ARHGEF33: variants seen among roughly 807,000 people sequenced by gnomAD.
The protein encoded by ARHGEF33 is DH and coiled-coil domain-containing protein ENSP00000381780.
ARHGEF33 carries 72 observed loss-of-function variants against 101.9 expected under a neutral mutation model. The observed-to-expected ratio is 0.71, with a 90% CI of 0.58 to 0.86. ARHGEF33 has a LOEUF of 0.86. ARHGEF33 is among the 40% of genes least tolerant of loss of function. The probability of loss-of-function intolerance (pLI) is 0.00; values close to 1 mark genes in which losing one functional copy is unlikely to be tolerated. For synonymous variants in ARHGEF33, 499 were observed against 442.5 expected (o/e 1.13, Z -1.60); for missense variants, 1,169 against 1,111.3 (o/e 1.05, Z -0.74).
At chr2:38,933,181 T>A (rs1240925112) in intron 7 of ARHGEF33, among the ~76,000 whole-genome samples, 1 of 152,164 alleles carries the variant, frequency 6.6e-6, no homozygotes, top group Non-Finnish European at 1.5e-5. Flanking sequence ...ATCAAGGTGC[T>A]GGCCATGGCT....
At chr2:38,958,279 A>G in intron 15 of ARHGEF33, 81 bp downstream of exon 15, 1 of 1,490,346 alleles carries the variant, frequency 6.7e-7, no homozygotes, top group Middle Eastern at 2.4e-4. Flanking sequence ...AGGGCAGCCT[A>G]GATTCCTCCA....
rs570380591 is a variant in ARHGEF33 at position 38,952,750 on chromosome 2, G to A, written c.1054-412G>A. Among the ~76,000 whole-genome samples, 8 of 151,622 alleles carry A rather than the reference G, an allele frequency of 5.3e-5. No homozygotes were observed. The South Asian group carries it at 1.7e-3, about 32-fold the overall frequency. ...GTCTCACTCTGTCCCCTAGGCTGGA[G>A]TGCAGTGGTGCAATCTCGGCTCACT... On this transcript the variant is annotated intron_variant, in intron 11 of 17. Transcript: ENST00000409978.
chr2:38,927,755 G>T (rs1316865869), intron 4 of ARHGEF33, among the ~76,000 whole-genome samples: 1 of 152,110 alleles, frequency 6.6e-6, no homozygotes, highest in Non-Finnish European at 1.5e-5. Context: ...TCTTCTAAAT[G>T]GTTCTGTTTT....
intron 2 of ARHGEF33, among the ~76,000 whole-genome samples, chr2:38,916,834 C>T (rs995823268): frequency 1.2e-4 from 16 of 136,886 alleles, no homozygotes; most frequent in African/African-American, 4.5e-4. Flanking sequence ...GAGTTTCATT[C>T]TTGTTGCCCA....
intron 7 of ARHGEF33, among the ~76,000 whole-genome samples, chr2:38,931,793 A>G (rs1044503260): frequency 6.6e-6 from 1 of 152,240 alleles, no homozygotes; most frequent in Non-Finnish European, 1.5e-5. Context: ...GTAAAAACAA[A>G]AAAAATTTGC....
At position 38,975,210 on chromosome 2, in the gene ARHGEF33, C is replaced by T. The variant is rs1176292658; in HGVS notation, c.*1367C>T. 3 of 152,226 alleles carry T rather than the reference C, an allele frequency of 2.0e-5. No individual in the cohort carries two copies. The highest frequency in any genetic ancestry group is 4.4e-5 in the Non-Finnish European group (3 of 68,042). The allele number at this position is 152,226 out of a possible 1,614,324, so 9.4% of individuals were successfully genotyped here. On this transcript the variant is annotated 3_prime_UTR_variant, in exon 18 of 18. Transcript: ENST00000409978. ...TGATGACAAATTAGGAACTCACCTA[C>T]TGCGTTTTGAATAGTAGTTGTCTGG...
At chr2:38,937,633 G>C in intron 9 of ARHGEF33, 74 bp downstream of exon 9, 1 of 909,884 alleles carries the variant, frequency 1.1e-6, no homozygotes, top group East Asian at 2.6e-5. Context: ...TCAAAGGCGA[G>C]AATCCTTGCC....
At chr2:38,939,296 A>AT (rs1417167711) in intron 9 of ARHGEF33, among the ~76,000 whole-genome samples, 2 of 151,482 alleles carry the variant, frequency 1.3e-5, no homozygotes, top group Non-Finnish European at 3.0e-5. Context: ...TCTTGTACAA[A>AT]TTTTTTTTTA....
rs767035944 is a variant in ARHGEF33 at position 38,931,105 on chromosome 2, C to G, written c.363-4C>G. ...ATAGCCTTGTCTTTGTTTCTCTTTC[C>G]TAGGAAAACTCAAAAAGAAGAGCAC... On this transcript the variant is annotated splice_region_variant and splice_polypyrimidine_tract_variant and intron_variant, in intron 6 of 17. Coordinates refer to ENST00000409978, the MANE Select transcript of ARHGEF33 (RefSeq NM_001145451.5). The G allele has an allele frequency of 1.3e-6, 2 of 1,540,778 alleles. No individual in the cohort carries two copies. The highest frequency in any genetic ancestry group is 2.4e-5 in the South Asian group (2 of 81,816).
chr2:38,954,997 T>C (rs1159210956), intron 13 of ARHGEF33, among the ~76,000 whole-genome samples: 1 of 152,174 alleles, frequency 6.6e-6, no homozygotes, highest in Non-Finnish European at 1.5e-5. Flanking sequence ...TATCTTTACT[T>C]ACCAGCAACT....
At chr2:38,905,544 T>C (rs1198065638) in intron 2 of ARHGEF33, among the ~76,000 whole-genome samples, 2 of 152,230 alleles carry the variant, frequency 1.3e-5, no homozygotes, top group Non-Finnish European at 2.9e-5. Flanking sequence ...AGTGCCTGGC[T>C]TTCCTAAGGC....
intron 10 of ARHGEF33, among the ~76,000 whole-genome samples, chr2:38,946,341 T>C (rs1486335224): frequency 6.6e-6 from 1 of 152,226 alleles, no homozygotes; most frequent in Admixed American, 6.5e-5. Flanking sequence ...AAATTAAAGC[T>C]ATCATACAAT....
intron 2 of ARHGEF33, among the ~76,000 whole-genome samples, chr2:38,906,281 G>C (rs1309704822): frequency 6.6e-6 from 1 of 151,996 alleles, no homozygotes; most frequent in Admixed American, 6.6e-5. Context: ...CAGTTTGGAG[G>C]TAGGGGGATG....
rs917963792 is a variant in ARHGEF33 at position 38,960,207 on chromosome 2, C to T, written c.1902C>T (p.Phe634=). ...CCGCGCCCTACGACGAGGAGCCGTT[C>T]CAGGCTCCGGCCCTCTTCGAGAACT... ...ALPAPYDEEP[F]QAPALFENCS... The change falls in exon 16 of 18, where the codon TTC becomes TTT. Residue 634 remains phenylalanine (F), a synonymous_variant. Coordinates refer to ENST00000409978, the MANE Select transcript of ARHGEF33 (RefSeq NM_001145451.5). 2.1e-5 allele frequency: 32 copies of T among 1,545,774 alleles called. No individual in the cohort carries two copies. Among genetic ancestry groups the T allele is most frequent in the Non-Finnish European group, 2.8e-5 (32 of 1,144,678 alleles).
Position 38,960,716 on chromosome 2 carries a change from C to G in ARHGEF33, c.2343+68C>G, listed in dbSNP as rs768095938. The G allele has an allele frequency of 1.2e-3, 1,414 of 1,204,812 alleles. 3 individuals are homozygous for G. The highest frequency in any genetic ancestry group is 6.2e-3 in the Middle Eastern group (27 of 4,352). The allele number at this position is 1,204,812 out of a possible 1,614,324, so 74.6% of individuals were successfully genotyped here. On this transcript the variant is annotated intron_variant, in intron 16 of 17. Transcript: ENST00000409978. The stretch of plus-strand genomic sequence containing the variant: ...AGGCCTAGATCTGCAGGAAGCATCC[C>G]GAGTTCTCCTAGCGTGGAGAGGAGC...
chr2:38,928,175 G>A (rs944393913), intron 4 of ARHGEF33, among the ~76,000 whole-genome samples: 1 of 152,134 alleles, frequency 6.6e-6, no homozygotes, highest in Non-Finnish European at 1.5e-5. Context: ...GGTAGAACTA[G>A]GATTTGTACC....
chr2:38,949,834 G>T (rs556979517), intron 10 of ARHGEF33, among the ~76,000 whole-genome samples: 1 of 152,316 alleles, frequency 6.6e-6, no homozygotes, highest in Non-Finnish European at 1.5e-5. Flanking sequence ...GGTGGAAGGC[G>T]AAGGGGAAGC....
At chr2:38,958,317 GCC>G (rs1388225299) in intron 15 of ARHGEF33, 119 bp downstream of exon 15, 3 of 1,283,270 alleles carry the variant, frequency 2.3e-6, no homozygotes, top group Non-Finnish European at 3.2e-6. Context: ...GCCTATATGT[GCC>G]AACCAAGCAG....
At chr2:38,892,337 C>T (rs1006424333) in intron 1 of ARHGEF33, among the ~76,000 whole-genome samples, 1 of 152,124 alleles carries the variant, frequency 6.6e-6, no homozygotes, top group Non-Finnish European at 1.5e-5. Flanking sequence ...AAAAAATCTC[C>T]TCCTCGTAAT....
Sources: gnomAD v4.1 joint callset for allele counts (sites outside exome capture counted in the v4.1 genomes callset) on GRCh38, gnomAD v4.1.1 for gene constraint, MANE v1.5 for transcripts, NCBI Gene and HGNC (gene_info 2026-07-23, HGNC 2026-07-21) for gene names.